Variants in RASA3 observed in about 807,000 individuals in gnomAD.
RASA3 encodes RAS p21 protein activator 3, also known as ras GTPase-activating protein 3.
A neutral mutation model predicts 110.0 loss-of-function variants in RASA3; 73 were observed. The ratio of observed to expected loss-of-function variants is 0.66; its 90% confidence interval spans 0.55 to 0.81. The LOEUF (loss-of-function observed/expected upper bound fraction) is 0.81, where lower values mean the gene tolerates loss of function less well. Ranked by LOEUF, RASA3 falls within the 30% of genes least tolerant of loss-of-function variation. The probability of loss-of-function intolerance (pLI) is 0.00; values close to 1 mark genes in which losing one functional copy is unlikely to be tolerated. For missense variants in RASA3, 976 were observed against 1,113.2 expected, an observed-to-expected ratio of 0.88 and a Z score of 1.75; for synonymous variants, 500 against 451.4, an observed-to-expected ratio of 1.11 and a Z score of -1.37.
chr13:114,043,433 C>G (rs945126707), intron 3 of RASA3, among the ~76,000 whole-genome samples: 6 of 152,122 alleles, frequency 3.9e-5, no homozygotes, highest in African/African-American at 1.4e-4. Context: ...TGGGAACAGC[C>G]CTGGAAAAAG....
In RASA3 at chr13:114,000,872, T is replaced by C. The variant is rs2053379005; in HGVS notation, c.1803A>G (p.Arg601=). The C allele has an allele frequency of 2.5e-6, 4 of 1,613,904 alleles. No homozygotes were observed. In the East Asian group the frequency reaches 8.9e-5, roughly 36 times the overall value. ...KRFGMKNFKK[R]WFRLTNHEFT... ...ATTCATGGTTGGTCAAGCGAAACCATCTCTTCTTAAAATTCTTCATCCCAA... is the reference window on the plus strand; with the variant it reads ...ATTCATGGTTGGTCAAGCGAAACCACCTCTTCTTAAAATTCTTCATCCCAA... Residue 601 remains arginine (R), a synonymous_variant, in exon 19 of 24, where the codon AGA becomes AGG. Transcript: ENST00000334062.
intron 18 of RASA3, among the ~76,000 whole-genome samples, chr13:114,003,851 G>A (rs151025121): frequency 7.2e-5 from 11 of 152,296 alleles, no homozygotes; most frequent in Non-Finnish European, 1.3e-4. Context: ...GACAGGACAC[G>A]ACAACAGGAA....
At chr13:114,012,380 C>T (rs890203572) in intron 15 of RASA3, among the ~76,000 whole-genome samples, 1 of 150,836 alleles carries the variant, frequency 6.6e-6, no homozygotes, top group Admixed American at 6.6e-5. Flanking sequence ...ACACCTTCCA[C>T]ACTCCCCGTG....
At chr13:114,004,196 A>G (rs1018364636) in intron 18 of RASA3, among the ~76,000 whole-genome samples, 17 of 152,186 alleles carry the variant, frequency 1.1e-4, no homozygotes, top group African/African-American at 3.9e-4. Flanking sequence ...GCTCTAACAG[A>G]GTATCCACAA....
intron 1 of RASA3, among the ~76,000 whole-genome samples, chr13:114,107,061 G>A (rs535402813): frequency 2.6e-5 from 4 of 152,334 alleles, no homozygotes; most frequent in Admixed American, 6.5e-5. Context: ...TCTCGTGCAC[G>A]GCCACATCTG....
intron 14 of RASA3, among the ~76,000 whole-genome samples, chr13:114,013,923 C>CCT (rs2053722449): frequency 4.7e-5 from 2 of 42,880 alleles, no homozygotes; most frequent in Admixed American, 2.1e-4. Context: ...TCTCTCTCTC[C>CCT]GTCTCTCTCT....
chr13:114,025,827 T>G (rs957798333), intron 7 of RASA3, among the ~76,000 whole-genome samples: 1 of 152,202 alleles, frequency 6.6e-6, no homozygotes, highest in Non-Finnish European at 1.5e-5. Flanking sequence ...TAGGTGGCTG[T>G]CTGACCACAG....
chr13:114,023,677 G>A (rs28565515), intron 8 of RASA3, among the ~76,000 whole-genome samples: 28,722 of 152,204 alleles, frequency 0.19, 2,935 homozygotes, highest in African/African-American at 0.26. Flanking sequence ...CCTGACCTGC[G>A]TGAACCCACA....
intron 2 of RASA3, among the ~76,000 whole-genome samples, chr13:114,052,797 A>C (rs9590535): frequency 1.2e-5 from 1 of 82,890 alleles, no homozygotes; most frequent in Non-Finnish European, 2.4e-5. Context: ...TGCTGACTGT[A>C]CTTAGAGTCC....
At chr13:113,998,864 G>T (rs1186668372) in intron 20 of RASA3, among the ~76,000 whole-genome samples, 1 of 152,272 alleles carries the variant, frequency 6.6e-6, no homozygotes, top group Non-Finnish European at 1.5e-5. Context: ...ATCCAGAGGG[G>T]AAGGAACCAC....
rs114376683 is a variant in RASA3, at chr13:114,049,120, G to A, written c.277+2932C>T. Among the ~76,000 whole-genome samples the A allele has an allele frequency of 1.6e-3, 247 of 152,070 alleles. 2 individuals carry two copies. The highest frequency in any genetic ancestry group is 5.9e-3 in the African/African-American group (243 of 41,468). ...CCTGAACTTGCAACTGAGCACAGCT[G>A]TGGCTGCCCCAAGGGAAACTTGCTG... On this transcript the variant is annotated intron_variant, in intron 3 of 23. Transcript: ENST00000334062.
rs2079425663 is a variant in RASA3, at chr13:114,065,224, C to G, written c.173+8496G>C. Among the ~76,000 whole-genome samples, 1 of 152,236 alleles carries G rather than the reference C, an allele frequency of 6.6e-6. No individual in the cohort carries two copies. The highest frequency in any genetic ancestry group is 1.5e-5 in the Non-Finnish European group (1 of 68,032). On this transcript the variant is annotated intron_variant, in intron 2 of 23. Coordinates refer to ENST00000334062, the MANE Select transcript of RASA3 (RefSeq NM_007368.4). This position sits in a 1 kb window ranked among gnomAD's most constrained non-coding sequence, Gnocchi z 4.1. ...TCCTCCCTGAGTCACTTCCCAGCAT[C>G]TGCGCAAGGCTGGCGCTGCCCCATC...
In RASA3 at chr13:114,048,930, C is replaced by T. The variant is rs1254514937; in HGVS notation, c.277+3122G>A. On this transcript the variant is annotated intron_variant, in intron 3 of 23. Coordinates refer to ENST00000334062, the MANE Select transcript of RASA3 (RefSeq NM_007368.4). The surrounding 1 kb of genome is among the most constrained non-coding windows in gnomAD (Gnocchi z 4.3). ...TTTCCCCAAGTCTCACTTGCCGGGGCGCCGTATCCCGGCACGGCTTCAGCT... is the reference window on the plus strand; with the variant it reads ...TTTCCCCAAGTCTCACTTGCCGGGGTGCCGTATCCCGGCACGGCTTCAGCT... Among the ~76,000 whole-genome samples the T allele has an allele frequency of 1.3e-5, 2 of 151,946 alleles. No homozygotes were observed. The highest frequency in any genetic ancestry group is 2.9e-5 in the Non-Finnish European group (2 of 67,966).
Position 114,057,455 on chromosome 13 carries a change from A to G in RASA3, c.174-5300T>C, listed in dbSNP as rs1215333492. On this transcript the variant is annotated intron_variant, in intron 2 of 23. Coordinates refer to ENST00000334062, the MANE Select transcript of RASA3 (RefSeq NM_007368.4). The surrounding 1 kb of genome is among the most constrained non-coding windows in gnomAD (Gnocchi z 5.0). Reference sequence around the variant, plus strand: ...TTAATGAAGGCTCTGCAGGATTTCAAGGAAAGCTGGAGCCAGTCTCTGTGC... The same window carrying G: ...TTAATGAAGGCTCTGCAGGATTTCAGGGAAAGCTGGAGCCAGTCTCTGTGC... 2 of 985,316 alleles carry G rather than the reference A, an allele frequency of 2.0e-6. No individual in the cohort carries two copies. Among genetic ancestry groups the G allele is most frequent in the Non-Finnish European group, 2.4e-6 (2 of 829,932 alleles). 61.0% of individuals were successfully genotyped at this position (985,316 alleles called of 1,614,324 possible). A position where few individuals can be genotyped will look rare whatever the true frequency, so the allele number is the denominator to read the frequency against.
At chr13:113,998,559 G>C (rs986397864) in intron 20 of RASA3, among the ~76,000 whole-genome samples, 6 of 152,206 alleles carry the variant, frequency 3.9e-5, no homozygotes, top group Non-Finnish European at 7.3e-5. Context: ...GGATGGCACG[G>C]ACGGCGGGGT....
intron 18 of RASA3, among the ~76,000 whole-genome samples, chr13:114,005,593 G>C (rs2053496985): frequency 6.6e-6 from 1 of 152,152 alleles, no homozygotes; most frequent in Non-Finnish European, 1.5e-5. Context: ...TGGAGGGAAG[G>C]CCAGCCCCAA....
chr13:113,998,376 C>A (rs1373101592), intron 20 of RASA3, among the ~76,000 whole-genome samples: 1 of 152,214 alleles, frequency 6.6e-6, no homozygotes, highest in Non-Finnish European at 1.5e-5. Context: ...GTCTGGACTG[C>A]CTGTGAATAA....
chr13:114,106,792 T>C (rs927282544), intron 1 of RASA3, among the ~76,000 whole-genome samples: 2 of 152,168 alleles, frequency 1.3e-5, no homozygotes, highest in Admixed American at 6.5e-5. Flanking sequence ...TCCAGGCACA[T>C]GGAAGGCACA....
chr13:114,117,725 T>G (rs899975110), intron 1 of RASA3, among the ~76,000 whole-genome samples: 1 of 59,770 alleles, frequency 1.7e-5, no homozygotes, highest in Non-Finnish European at 3.8e-5. Flanking sequence ...GAGGGATGCA[T>G]GTGTGTGAGG....
Sources: allele counts gnomAD v4.1 joint callset (sites outside exome capture counted in the v4.1 genomes callset), GRCh38; gene constraint gnomAD v4.1.1; non-coding constraint Gnocchi (gnomAD v3.1); transcripts MANE v1.5; gene names NCBI Gene and HGNC (gene_info 2026-07-23, HGNC 2026-07-21).